The following WDR45B variants were observed in gnomAD, a reference collection of about 807,000 sequenced individuals.
WDR45B encodes WD repeat domain 45B, also known as WD repeat domain phosphoinositide-interacting protein 3.
Under a neutral mutation model 44.6 loss-of-function variants are expected in WDR45B, and 20 were observed. That is an observed-to-expected ratio of 0.45 (90% CI 0.32 to 0.65). The LOEUF is 0.65. Ranked by LOEUF, WDR45B falls within the 30% of genes least tolerant of loss-of-function variation. The pLI, the probability that WDR45B is intolerant of heterozygous loss-of-function variation, is 0.05. For missense variants in WDR45B, 323 were observed against 430.2 expected, an observed-to-expected ratio of 0.75 and a Z score of 2.20; for synonymous variants, 169 against 164.9, an observed-to-expected ratio of 1.02 and a Z score of -0.19.
At chr17:82,644,621 A>ACAG in intron 1 of WDR45B, 1 of 169,766 alleles carries the variant, frequency 5.9e-6, no homozygotes, top group Non-Finnish European at 1.3e-5. Context: ...GTCCAAATAA[A>ACAG]CAGCACTGTT....
chr17:82,620,002 A>C (rs539191005), intron 6 of WDR45B, among the ~76,000 whole-genome samples: 6 of 152,352 alleles, frequency 3.9e-5, no homozygotes, highest in African/African-American at 1.4e-4. Flanking sequence ...TAAAGAAGAA[A>C]AGTTGCAGGG....
rs111884188 is a variant in WDR45B at position 82,624,559 on chromosome 17, C to T, written c.427+830G>A. ...ACAGGCGTGAGCCACTGCGCCCGGC[C>T]GACTGTTCTGTCTTGACTGTGACGG... On this transcript the variant is annotated intron_variant, in intron 5 of 9. Coordinates refer to ENST00000392325, the MANE Select transcript of WDR45B (RefSeq NM_019613.4). Among the ~76,000 whole-genome samples the T allele has an allele frequency of 3.3e-5, 5 of 151,358 alleles. No individual in the cohort carries two copies. In the East Asian group the frequency reaches 5.9e-4, roughly 18 times the overall value.
At chr17:82,641,676 C>T (rs1199765765) in intron 2 of WDR45B, among the ~76,000 whole-genome samples, 1 of 152,124 alleles carries the variant, frequency 6.6e-6, no homozygotes, top group Non-Finnish European at 1.5e-5. Context: ...GTGGGCGGAT[C>T]ACGAGGTCAG....
intron 5 of WDR45B, among the ~76,000 whole-genome samples, chr17:82,624,561 A>AGT: frequency 1.5e-5 from 2 of 132,572 alleles, no homozygotes; most frequent in East Asian, 2.5e-4. Context: ...CGCCCGGCCG[A>AGT]CTGTTCTGTC....
Position 82,634,351 on chromosome 17 carries a change from G to A in WDR45B, c.143-3329C>T, listed in dbSNP as rs527739078. Among the ~76,000 whole-genome samples the A allele has an allele frequency of 2.6e-3, 396 of 151,266 alleles. 2 individuals are homozygous for A. The highest frequency in any genetic ancestry group is 4.6e-3 in the Non-Finnish European group (315 of 67,858). On this transcript the variant is annotated intron_variant, in intron 2 of 9. Transcript: ENST00000392325. ...AAAAATACAAAAATTAGCCAGGAGC[G>A]GCAGTGCACATCTGTAATCCCAGCT...
chr17:82,624,899 T>C (rs2045675201), intron 5 of WDR45B, among the ~76,000 whole-genome samples: 1 of 151,988 alleles, frequency 6.6e-6, no homozygotes. Flanking sequence ...ATTACAGGAG[T>C]GAGCCACCGC....
Position 82,648,324 on chromosome 17 carries a change from C to T in WDR45B, c.17G>A (p.Cys6Tyr), listed in dbSNP as rs148665559. The change falls in exon 1 of 10, where the codon TGT (cysteine) becomes TAT (tyrosine). Residue 6 changes from cysteine (C) to tyrosine (Y), a missense_variant. Physicochemically the swap from Cys to Tyr is radical, Grantham distance 194. Transcript: ENST00000392325. ...GAGCAGCCCGTTGCCGTGAGGGTTACACGGCAGGAGGTTCATGGCGCCGCC... is the reference window on the plus strand; with the variant it reads ...GAGCAGCCCGTTGCCGTGAGGGTTATACGGCAGGAGGTTCATGGCGCCGCC... Reference protein sequence around the residue: MNLLPCNPHGNGLLYA... With the variant: MNLLPYNPHGNGLLYA... 11,019 of 1,606,886 alleles carry T rather than the reference C, an allele frequency of 6.9e-3. 45 individuals are homozygous for T. Among genetic ancestry groups the T allele is most frequent in the Non-Finnish European group, 8.6e-3 (10,145 of 1,178,014 alleles).
chr17:82,643,031 C>A (rs980895035), intron 2 of WDR45B, among the ~76,000 whole-genome samples: 11 of 152,204 alleles, frequency 7.2e-5, no homozygotes, highest in African/African-American at 2.7e-4. Flanking sequence ...TCATACACTC[C>A]ACAGCACCTA....
At chr17:82,638,486 CAG>C (rs939527176) in intron 2 of WDR45B, among the ~76,000 whole-genome samples, 11 of 151,474 alleles carry the variant, frequency 7.3e-5, no homozygotes, top group Non-Finnish European at 1.5e-5. Flanking sequence ...TTGACAGGCC[CAG>C]ACTCTCCCAA....
chr17:82,643,018 G>C (rs2045935936), intron 2 of WDR45B, among the ~76,000 whole-genome samples: 1 of 152,164 alleles, frequency 6.6e-6, no homozygotes, highest in African/African-American at 2.4e-5. Context: ...AGTGTATGTG[G>C]CATCATACAC....
intron 7 of WDR45B, among the ~76,000 whole-genome samples, chr17:82,618,361 G>A (rs183560491): frequency 1.2e-4 from 18 of 152,284 alleles, no homozygotes; most frequent in East Asian, 9.6e-4. Flanking sequence ...CTAGACACCC[G>A]GGGGGCTGTA....
At chr17:82,631,600 T>TTTTTTTTTGAGACGG (rs1555649695) in intron 2 of WDR45B, among the ~76,000 whole-genome samples, 1 of 138,926 alleles carries the variant, frequency 7.2e-6, no homozygotes. Context: ...GACTCATTTT[T>TTTTTTTTTGAGACGG]AATCAGCAAT....
chr17:82,616,159 G>T, intron 9 of WDR45B, 134 bp from the exon 10 acceptor site: 1 of 886,160 alleles, frequency 1.1e-6, no homozygotes, highest in Non-Finnish European at 1.8e-6. Flanking sequence ...AGGCCCCAGG[G>T]TCCCCACTGA....
At chr17:82,646,380 G>A (rs191549894) in intron 1 of WDR45B, among the ~76,000 whole-genome samples, 2 of 150,244 alleles carry the variant, frequency 1.3e-5, no homozygotes, top group Non-Finnish European at 3.0e-5. Flanking sequence ...TCAGCTACTC[G>A]GGAGGCTGAG....
At chr17:82,623,387 CA>C (rs59311520) in intron 5 of WDR45B, among the ~76,000 whole-genome samples, 30,142 of 99,328 alleles carry the variant, frequency 0.3, 4,816 homozygotes, top group African/African-American at 0.55. Context: ...ACTCTATCTC[CA>C]AAAAAAAAAA....
intron 2 of WDR45B, among the ~76,000 whole-genome samples, chr17:82,640,599 T>G (rs2045901843): frequency 6.6e-6 from 1 of 152,144 alleles, no homozygotes; most frequent in Non-Finnish European, 1.5e-5. Flanking sequence ...TCTGCCCACC[T>G]TGGCCTCCCA....
chr17:82,616,216 T>C (rs2045533182), intron 9 of WDR45B, among the ~76,000 whole-genome samples, 191 bp from the exon 10 acceptor site: 1 of 152,048 alleles, frequency 6.6e-6, no homozygotes, highest in Non-Finnish European at 1.5e-5. Flanking sequence ...TGTCTTGGTG[T>C]GAGCATCTAA....
In WDR45B at chr17:82,615,933, C is replaced by A; in HGVS notation, c.1021G>T (p.Asp341Tyr). Residue 341 changes from aspartate (D) to tyrosine (Y), a missense_variant, in exon 10 of 10, where the codon GAT (aspartate) becomes TAT (tyrosine). Physicochemically the swap from Asp to Tyr is radical, Grantham distance 160. Coordinates refer to ENST00000392325, the MANE Select transcript of WDR45B (RefSeq NM_019613.4). ...CCCAGCTGGAGTCACAGCTTGTCATCGGTCATCTCTAGAAACTGCGCGTAG... is the reference window on the plus strand; with the variant it reads ...CCCAGCTGGAGTCACAGCTTGTCATAGGTCATCTCTAGAAACTGCGCGTAG... ...DVYAQFLEMT[D>Y]DKL 6.2e-7 allele frequency: 1 copy of A among 1,613,436 alleles called. No individual in the cohort carries two copies. Among genetic ancestry groups the A allele is most frequent in the Non-Finnish European group, 8.5e-7 (1 of 1,179,918 alleles).
intron 5 of WDR45B, among the ~76,000 whole-genome samples, chr17:82,622,194 G>A (rs553908453): frequency 3.9e-5 from 6 of 152,172 alleles, no homozygotes; most frequent in South Asian, 2.1e-4. Flanking sequence ...ATTAAAAAAC[G>A]GAGGAATAAG....
Sources: allele counts gnomAD v4.1 joint callset (sites outside exome capture counted in the v4.1 genomes callset), GRCh38; gene constraint gnomAD v4.1.1; transcripts MANE v1.5; gene names NCBI Gene and HGNC (gene_info 2026-07-23, HGNC 2026-07-21).